ENTREP1: variants seen among roughly 807,000 people sequenced by gnomAD.
ENTREP1 encodes Friedreich ataxia region gene X123.
the ENTREP1 span, among the ~76,000 whole-genome samples, chr9:69,343,302 G>A: frequency 6.6e-6 from 1 of 152,196 alleles, no homozygotes; most frequent in African/African-American, 2.4e-5. Flanking sequence ...GAATACCACT[G>A]TGGATTCCTT....
the ENTREP1 span, chr9:69,388,290 C>G: frequency 6.2e-7 from 1 of 1,614,156 alleles, no homozygotes; most frequent in African/African-American, 1.3e-5. Flanking sequence ...GATTACAAAT[C>G]CTACATGGAC....
At chr9:69,366,996 A>T in the ENTREP1 span, among the ~76,000 whole-genome samples, 1 of 152,034 alleles carries the variant, frequency 6.6e-6, no homozygotes, top group Non-Finnish European at 1.5e-5. Flanking sequence ...AGCTCACTAT[A>T]GCCTTGATTT....
At chr9:69,332,846 A>G in the ENTREP1 span, among the ~76,000 whole-genome samples, 1 of 152,224 alleles carries the variant, frequency 6.6e-6, no homozygotes, top group Non-Finnish European at 1.5e-5. Flanking sequence ...TTAAAGATAT[A>G]TGTTCATAGA....
At chr9:69,333,104 G>A in the ENTREP1 span, among the ~76,000 whole-genome samples, 2 of 152,050 alleles carry the variant, frequency 1.3e-5, no homozygotes, top group African/African-American at 4.8e-5. Context: ...ACATCCCTGT[G>A]AGTGTGTATA....
the ENTREP1 span, among the ~76,000 whole-genome samples, chr9:69,349,212 GAGAA>G: frequency 8.3e-6 from 1 of 121,122 alleles, no homozygotes; most frequent in Non-Finnish European, 1.8e-5. Flanking sequence ...AAAAAAAAAA[GAGAA>G]AAAAAGGAAT....
chr9:69,375,623 C>A, the ENTREP1 span: 1 of 832,554 alleles, frequency 1.2e-6, no homozygotes, highest in Admixed American at 2.2e-5. Flanking sequence ...AGAGGCATTG[C>A]CTGACACAGA....
At chr9:69,392,050 G>A in the ENTREP1 span, 18 of 547,148 alleles carry the variant, frequency 3.3e-5, no homozygotes, top group East Asian at 5.5e-4. Context: ...TTCTTCCTCT[G>A]CTGGGCCTCG....
the ENTREP1 span, chr9:69,382,474 A>T: frequency 6.6e-6 from 1 of 152,190 alleles, no homozygotes; most frequent in Non-Finnish European, 1.5e-5. Context: ...AAACATCTCC[A>T]CTTCAGGCAT....
At chr9:69,347,609 C>T in the ENTREP1 span, among the ~76,000 whole-genome samples, 6 of 152,334 alleles carry the variant, frequency 3.9e-5, no homozygotes, top group East Asian at 9.6e-4. Context: ...CAGCCTTGGA[C>T]ATTGTAATTA....
the ENTREP1 span, among the ~76,000 whole-genome samples, chr9:69,372,614 C>G: frequency 6.6e-6 from 1 of 152,162 alleles, no homozygotes; most frequent in African/African-American, 2.4e-5. Context: ...GGCCCCCACT[C>G]TTGGTTATTG....
the ENTREP1 span, among the ~76,000 whole-genome samples, chr9:69,363,891 A>G: frequency 6.6e-6 from 1 of 152,224 alleles, no homozygotes; most frequent in African/African-American, 2.4e-5. Context: ...GAGATGCCCC[A>G]CACACAGATG....
chr9:69,377,484 C>T, the ENTREP1 span: 1 of 1,611,444 alleles, frequency 6.2e-7, no homozygotes, highest in South Asian at 1.1e-5. Flanking sequence ...CATCGTAAGT[C>T]TATGCAAGGG....
At chr9:69,325,140 AGCGGCAGCG>A in the ENTREP1 span, 8 of 1,030,456 alleles carry the variant, frequency 7.8e-6, no homozygotes, top group African/African-American at 5.2e-5. Flanking sequence ...GAGCCAGGGC[AGCGGCAGCG>A]GCGGCAGCAA....
At chr9:69,380,459 GTA>G in the ENTREP1 span, 1 of 152,200 alleles carries the variant, frequency 6.6e-6, no homozygotes, top group African/African-American at 2.4e-5. Context: ...CCCATTTCCT[GTA>G]AGGTATTATG....
At chr9:69,371,055 A>G in the ENTREP1 span, among the ~76,000 whole-genome samples, 2 of 152,186 alleles carry the variant, frequency 1.3e-5, no homozygotes, top group African/African-American at 4.8e-5. Flanking sequence ...TTTTATGTCC[A>G]TTTACATACT....
the ENTREP1 span, chr9:69,391,562 GCTTA>G: frequency 6.3e-7 from 1 of 1,583,190 alleles, no homozygotes; most frequent in Non-Finnish European, 8.7e-7. Context: ...ATCTGGTAAA[GCTTA>G]CTTAACTTCT....
chr9:69,338,223 T>C, the ENTREP1 span, among the ~76,000 whole-genome samples: 16 of 152,174 alleles, frequency 1.1e-4, no homozygotes, highest in East Asian at 2.9e-3. Flanking sequence ...GCCTGTGTTA[T>C]AAGTGGCTGA....
chr9:69,364,994 CTG>C, the ENTREP1 span, among the ~76,000 whole-genome samples: 108 of 152,290 alleles, frequency 7.1e-4, 2 homozygotes, highest in East Asian at 0.019. Context: ...CTCAGCTTGT[CTG>C]TCAGTCAGAC....
At chr9:69,377,693 C>T in the ENTREP1 span, 1 of 1,614,108 alleles carries the variant, frequency 6.2e-7, no homozygotes, top group Non-Finnish European at 8.5e-7. Context: ...CCTGTGCCTC[C>T]CCCTTCCTAT....
Sources: gnomAD v4.1 joint callset for allele counts (sites outside exome capture counted in the v4.1 genomes callset) on GRCh38, gnomAD v4.1.1 for gene constraint, MANE v1.5 for transcripts, NCBI Gene and HGNC (gene_info 2026-07-23, HGNC 2026-07-21) for gene names.